GRIK5: variants seen among roughly 807,000 people sequenced by gnomAD.
GRIK5 encodes the protein glutamate ionotropic receptor kainate type subunit 5, also known as glutamate receptor ionotropic, kainate 5.
In GRIK5, 43 loss-of-function variants were observed where a neutral mutation model predicts 97.4. The ratio of observed to expected loss-of-function variants is 0.44; its 90% CI spans 0.35 to 0.57. The LOEUF is 0.57. Among genes scored for constraint, GRIK5 ranks in the 20% least tolerant of loss-of-function variants. GRIK5 has a pLI of 0.01. For synonymous variants in GRIK5, 580 were observed against 583.5 expected (o/e 0.99, Z 0.09); for missense variants, 1,015 against 1,382.0 (o/e 0.73, Z 4.21).
chr19:42,038,640 G>C (rs1322468891), intron 12 of GRIK5, among the ~76,000 whole-genome samples: 1 of 152,224 alleles, frequency 6.6e-6, no homozygotes, highest in Admixed American at 6.5e-5. Flanking sequence ...GCTGGAAAGG[G>C]CACGGGCCTT....
At chr19:42,068,820 G>T in intron 1 of GRIK5, 2 of 644,726 alleles carry the variant, frequency 3.1e-6, no homozygotes, top group Admixed American at 4.8e-5. Flanking sequence ...ACATATCCAG[G>T]AGATAGAGAC....
intron 12 of GRIK5, among the ~76,000 whole-genome samples, chr19:42,037,230 C>T (rs1043355288): frequency 2.0e-5 from 3 of 152,302 alleles, no homozygotes; most frequent in African/African-American, 4.8e-5. Context: ...GAGGCCAAGG[C>T]GGACAGCTCA....
At chr19:42,035,786 A>G (rs2075896557) in intron 12 of GRIK5, among the ~76,000 whole-genome samples, 1 of 152,172 alleles carries the variant, frequency 6.6e-6, no homozygotes, top group Non-Finnish European at 1.5e-5. Context: ...ATGGTCTCTG[A>G]GGTGTAAGAA....
intron 15 of GRIK5, among the ~76,000 whole-genome samples, chr19:42,017,343 T>C (rs1004805709): frequency 6.6e-6 from 1 of 152,238 alleles, no homozygotes; most frequent in Non-Finnish European, 1.5e-5. Flanking sequence ...GCCATAATAT[T>C]ATTTTATTGG....
intron 5 of GRIK5, among the ~76,000 whole-genome samples, chr19:42,060,976 A>G (rs1261092944): frequency 6.6e-6 from 1 of 152,014 alleles, no homozygotes; most frequent in African/African-American, 2.4e-5. Flanking sequence ...GGACTACTTC[A>G]CCCACGGCTG....
intron 12 of GRIK5, among the ~76,000 whole-genome samples, chr19:42,036,322 A>G (rs977468454): frequency 6.6e-6 from 1 of 150,640 alleles, no homozygotes; most frequent in Non-Finnish European, 1.5e-5. Context: ...TTGGCCTCCC[A>G]AAGTGCTGGG....
intron 15 of GRIK5, among the ~76,000 whole-genome samples, chr19:42,008,712 T>A (rs1024178410): frequency 9.2e-5 from 14 of 151,978 alleles, no homozygotes; most frequent in African/African-American, 3.4e-4. Flanking sequence ...AGACCCAGAA[T>A]TGACATAGAT....
chr19:42,007,502 T>C (rs1033564590), intron 15 of GRIK5, among the ~76,000 whole-genome samples: 1 of 152,060 alleles, frequency 6.6e-6, no homozygotes, highest in African/African-American at 2.4e-5. Context: ...ATTTAATTTA[T>C]AGGAAGGGAA....
At chr19:42,036,045 CTTTA>C (rs1019913691) in intron 12 of GRIK5, among the ~76,000 whole-genome samples, 20 of 151,876 alleles carry the variant, frequency 1.3e-4, no homozygotes, top group Non-Finnish European at 2.4e-4. Flanking sequence ...ATGAAATGGA[CTTTA>C]TTTATTTATT....
rs1019351876 is a variant in GRIK5, at chr19:42,042,513, C to T, written c.1473+39G>A. ...CAGCTGCCCGCCCTCCCTCACTCGC[C>T]GGGTCCATGCATCTTTCCCGGCCCC... On this transcript the variant is annotated intron_variant, in intron 12 of 19. Transcript: ENST00000593562. This position sits in a 1 kb window ranked among gnomAD's most constrained non-coding sequence, Gnocchi z 6.9. 5.8e-6 allele frequency: 9 copies of T among 1,554,366 alleles called. No individual in the cohort carries two copies. In the African/African-American group the frequency reaches 6.8e-5, roughly 12 times the overall value.
intron 15 of GRIK5, among the ~76,000 whole-genome samples, chr19:42,010,180 G>T (rs2075544931): frequency 6.6e-6 from 1 of 151,994 alleles, no homozygotes; most frequent in Admixed American, 6.6e-5. Context: ...AATGGCCTGA[G>T]AAATAAGTGG....
In GRIK5 at chr19:42,057,092, T is replaced by G. The variant is rs938743508; in HGVS notation, c.688-114A>C. 5.9e-5 allele frequency: 46 copies of G among 775,556 alleles called. No individual in the cohort carries two copies. In the African/African-American group the frequency reaches 7.8e-4, roughly 13 times the overall value. 48.0% of individuals were successfully genotyped at this position (775,556 alleles called of 1,614,324 possible). ...AGAGACAGCCCTGGTGAGAAGACAC[T>G]CCATGGGAAACACAGTAAAGTAATA... On this transcript the variant is annotated intron_variant, in intron 6 of 19. Coordinates refer to ENST00000593562, the MANE Select transcript of GRIK5 (RefSeq NM_002088.5).
chr19:42,053,811 C>T lies in GRIK5; in HGVS notation c.1161+14G>A. 13 of 1,597,786 alleles carry T rather than the reference C, an allele frequency of 8.1e-6. No individual in the cohort carries two copies. Among genetic ancestry groups the T allele is most frequent in the Non-Finnish European group, 1.1e-5 (13 of 1,165,204 alleles). On this transcript the variant is annotated intron_variant, in intron 10 of 19. Transcript: ENST00000593562. The stretch of plus-strand genomic sequence containing the variant: ...ACCCCAGCAGGGCTCTGGCGTCACC[C>T]TGGGTCTGCTCACCTCACGGTGGCC...
chr19:42,022,245 T>C lies in GRIK5; in HGVS notation c.1583A>G (p.His528Arg). The stretch of plus-strand genomic sequence containing the variant: ...TGGTCTCCAGGGGAACCATACCATG[T>C]GCACTCGGTAGAGGATGCTGATCCC... ...TLGISILYRVHMGRKPGYFSF... is the reference protein window; with the variant it reads ...TLGISILYRVRMGRKPGYFSF... Residue 528 changes from histidine to arginine, a missense_variant, in exon 13 of 20, where the codon CAC becomes CGC. His to Arg is a conservative substitution (Grantham distance 29, BLOSUM62 0). Around this residue, in one of 5 missense-constraint regions of GRIK5, gnomAD observed 477 missense variants for 701.1 expected, o/e 0.68. Transcript: ENST00000593562. This position sits in a 1 kb window ranked among gnomAD's most constrained non-coding sequence, Gnocchi z 4.2. 2 of 1,606,608 alleles carry C rather than the reference T, an allele frequency of 1.2e-6. No individual in the cohort carries two copies. Among genetic ancestry groups the C allele is most frequent in the Non-Finnish European group, 8.5e-7 (1 of 1,173,144 alleles).
At chr19:42,054,195 C>CA in intron 9 of GRIK5, 125 bp downstream of exon 9, 1 of 1,017,148 alleles carries the variant, frequency 9.8e-7, no homozygotes, top group South Asian at 1.5e-5. Context: ...CAGGAGTGGA[C>CA]AGGGGAGGCA....
At position 42,002,236 on chromosome 19, in the gene GRIK5, C is replaced by A. The variant is rs1177970846; in HGVS notation, c.2514+1096G>T. 5.6e-6 allele frequency: 4 copies of A among 717,176 alleles called. No homozygotes were observed. Among genetic ancestry groups the A allele is most frequent in the African/African-American group, 1.7e-5 (1 of 57,188 alleles). 44.4% of individuals were successfully genotyped at this position (717,176 alleles called of 1,614,324 possible). A position where few individuals can be genotyped will look rare whatever the true frequency, so the allele number is the denominator to read the frequency against. On this transcript the variant is annotated intron_variant, in intron 19 of 19. Coordinates refer to ENST00000593562, the MANE Select transcript of GRIK5 (RefSeq NM_002088.5). This position sits in a 1 kb window ranked among gnomAD's most constrained non-coding sequence, Gnocchi z 5.2. ...GAAGAAACTGGAAGCATCAGGGAGA[C>A]CCCCCACTGCTGCCAAGGCTGTAAA... is the stretch of plus-strand genomic sequence containing the variant.
At chr19:42,041,898 C>T (rs1252269874) in intron 12 of GRIK5, among the ~76,000 whole-genome samples, 3 of 152,172 alleles carry the variant, frequency 2.0e-5, no homozygotes, top group Non-Finnish European at 4.4e-5. Context: ...TGGGACCGTC[C>T]TCTGAGCTCC....
At chr19:42,039,172 G>A (rs1470687859) in intron 12 of GRIK5, among the ~76,000 whole-genome samples, 1 of 152,194 alleles carries the variant, frequency 6.6e-6, no homozygotes, top group East Asian at 1.9e-4. Context: ...ACTTGAGCCA[G>A]ATCAAAACCC....
In GRIK5 at chr19:42,002,586, G is replaced by C. The variant is rs1390423934; in HGVS notation, c.2514+746C>G. The C allele has an allele frequency of 3.1e-6, 2 of 643,836 alleles. No individual in the cohort carries two copies. The highest frequency in any genetic ancestry group is 2.9e-6 in the Non-Finnish European group (1 of 349,804). The allele number at this position is 643,836 out of a possible 1,614,324, so 39.9% of individuals were successfully genotyped here. On this transcript the variant is annotated intron_variant, in intron 19 of 19. Transcript: ENST00000593562. The surrounding 1 kb of genome is among the most constrained non-coding windows in gnomAD (Gnocchi z 5.2). ...TAAGGTCAGCCGCTGGATGTGAGGAGGGGGAGGAAGGGCTGGAGGCTGACA... is the reference window on the plus strand; with the variant it reads ...TAAGGTCAGCCGCTGGATGTGAGGACGGGGAGGAAGGGCTGGAGGCTGACA...
Sources: allele counts gnomAD v4.1 joint callset (sites outside exome capture counted in the v4.1 genomes callset), GRCh38; gene constraint gnomAD v4.1.1; regional missense constraint gnomAD v4.1.1; non-coding constraint Gnocchi (gnomAD v3.1); transcripts MANE v1.5; gene names NCBI Gene and HGNC (gene_info 2026-07-23, HGNC 2026-07-21).